PTGFR: variants seen among roughly 807,000 people sequenced by gnomAD.
The protein encoded by PTGFR is prostaglandin F2-alpha receptor.
PTGFR carries 15 observed loss-of-function variants against 26.2 expected under a neutral mutation model. That is an observed-to-expected ratio of 0.57 (90% CI 0.38 to 0.88). The LOEUF (loss-of-function observed/expected upper bound fraction) is 0.88. Among genes scored for constraint, PTGFR ranks in the 40% least tolerant of loss-of-function variants. The probability of loss-of-function intolerance (pLI) is 0.00; values close to 1 mark genes in which losing one functional copy is unlikely to be tolerated. For missense variants in PTGFR, 369 were observed against 427.2 expected, an observed-to-expected ratio of 0.86 and a Z score of 1.20; for synonymous variants, 165 against 151.1, an observed-to-expected ratio of 1.09 and a Z score of -0.68.
chr1:78,524,985 A>G (rs933874049), intron 2 of PTGFR, among the ~76,000 whole-genome samples: 1 of 147,234 alleles, frequency 6.8e-6, no homozygotes, highest in Non-Finnish European at 1.5e-5. Context: ...GGCTTAATCA[A>G]AAGTTCACAT....
chr1:78,494,986 A>G (rs1030389623), intron 2 of PTGFR, among the ~76,000 whole-genome samples: 1 of 152,268 alleles, frequency 6.6e-6, no homozygotes, highest in Non-Finnish European at 1.5e-5. Context: ...GACAGATTCT[A>G]TGATAGAGTT....
chr1:78,533,473 G>C (rs1355934906), intron 2 of PTGFR, among the ~76,000 whole-genome samples: 1 of 152,164 alleles, frequency 6.6e-6, no homozygotes, highest in African/African-American at 2.4e-5. Flanking sequence ...ACAGTCCTCT[G>C]TGTGCATAAT....
chr1:78,529,677 A>G (rs1433355370), intron 2 of PTGFR, among the ~76,000 whole-genome samples: 1 of 152,190 alleles, frequency 6.6e-6, no homozygotes, highest in Non-Finnish European at 1.5e-5. Flanking sequence ...GGTGAATACA[A>G]AAGTTTGGAT....
At chr1:78,527,342 A>G (rs989913595) in intron 2 of PTGFR, among the ~76,000 whole-genome samples, 9 of 152,070 alleles carry the variant, frequency 5.9e-5, no homozygotes, top group African/African-American at 1.9e-4. Context: ...ATTTTAGACA[A>G]TGATTGATGG....
intron 2 of PTGFR, among the ~76,000 whole-genome samples, chr1:78,519,621 A>G (rs1177419919): frequency 2.6e-5 from 4 of 152,162 alleles, no homozygotes; most frequent in Non-Finnish European, 5.9e-5. Context: ...CTAAAATGCG[A>G]TACTAACCTC....
At position 78,539,914 on chromosome 1, in the gene PTGFR, C is replaced by T. The variant is rs1267578951; in HGVS notation, c.*3227C>T. ...CTTCTGTGATATCTTCTCTCTTTTA[C>T]CTGTGTCTCAACTTACCTAGGCAAG... On this transcript the variant is annotated 3_prime_UTR_variant, in exon 3 of 3. Transcript: ENST00000370757. Among the ~76,000 whole-genome samples the T allele has an allele frequency of 6.6e-6, 1 of 152,022 alleles. No individual in the cohort carries two copies. The highest frequency in any genetic ancestry group is 2.4e-5 in the African/African-American group (1 of 41,418).
Position 78,492,820 on chromosome 1 carries a change from A to T in PTGFR, c.77A>T (p.Asn26Ile), listed in dbSNP as rs770346731. ...LLSNTTCQTE[N>I]RLSVFFSVIF... ...TCAAACACAACCTGCCAGACGGAAA[A>T]CCGGCTTTCCGTATTTTTTTCAGTA... Residue 26 changes from asparagine to isoleucine, a missense_variant, in exon 2 of 3, where the codon AAC (asparagine) becomes ATC (isoleucine). By Grantham distance (149) the Asn-to-Ile change is moderately radical. Coordinates refer to ENST00000370757, the MANE Select transcript of PTGFR (RefSeq NM_000959.4). 3.7e-6 allele frequency: 6 copies of T among 1,614,052 alleles called. No homozygotes were observed. In the African/African-American group the frequency reaches 8.0e-5, roughly 22 times the overall value.
rs1352068844 is a variant in PTGFR, at chr1:78,538,868, T to C, written c.*2181T>C. ...ACTCATAACTAATCTTCAGAATTACTGAATTTCCTTTTGAACTGGGTAAGG... is the reference window on the plus strand; with the variant it reads ...ACTCATAACTAATCTTCAGAATTACCGAATTTCCTTTTGAACTGGGTAAGG... On this transcript the variant is annotated 3_prime_UTR_variant, in exon 3 of 3. Transcript: ENST00000370757. 1 of 152,102 alleles carries C rather than the reference T, an allele frequency of 6.6e-6. No individual in the cohort carries two copies. Among genetic ancestry groups the C allele is most frequent in the African/African-American group, 2.4e-5 (1 of 41,444 alleles). The allele number at this position is 152,102 out of a possible 1,614,324, so 9.4% of individuals were successfully genotyped here.
In PTGFR at chr1:78,540,385, C is replaced by T. The variant is rs1355066156; in HGVS notation, c.*3698C>T. On this transcript the variant is annotated 3_prime_UTR_variant, in exon 3 of 3. Coordinates refer to ENST00000370757, the MANE Select transcript of PTGFR (RefSeq NM_000959.4). ...ACATTAGGTAAAAAAAATTTTCATT[C>T]TTGTCTTCCTAATAGCATTTAAACA... Among the ~76,000 whole-genome samples, 1 of 152,044 alleles carries T rather than the reference C, an allele frequency of 6.6e-6. No individual in the cohort carries two copies. The highest frequency in any genetic ancestry group is 2.4e-5 in the African/African-American group (1 of 41,414).
intron 2 of PTGFR, among the ~76,000 whole-genome samples, chr1:78,511,913 T>C (rs1649980967): frequency 6.6e-6 from 1 of 152,154 alleles, no homozygotes; most frequent in Non-Finnish European, 1.5e-5. Flanking sequence ...CTGCCAGATA[T>C]CCCAGGTCAT....
At chr1:78,531,799 T>C (rs1346275525) in intron 2 of PTGFR, among the ~76,000 whole-genome samples, 2 of 152,144 alleles carry the variant, frequency 1.3e-5, no homozygotes, top group South Asian at 2.1e-4. Flanking sequence ...TTCCTAATGA[T>C]GTTCTACAAA....
At chr1:78,495,639 T>C (rs1649529844) in intron 2 of PTGFR, among the ~76,000 whole-genome samples, 2 of 152,240 alleles carry the variant, frequency 1.3e-5, no homozygotes, top group African/African-American at 4.8e-5. Flanking sequence ...ATTTTGTTTT[T>C]TGTTTATTCT....
intron 1 of PTGFR, among the ~76,000 whole-genome samples, chr1:78,491,671 G>T (rs189851881): frequency 1.1e-4 from 17 of 152,314 alleles, no homozygotes; most frequent in African/African-American, 3.1e-4. Flanking sequence ...CCGAAGGGCG[G>T]GGGGGATAGT....
intron 2 of PTGFR, among the ~76,000 whole-genome samples, chr1:78,503,611 G>C (rs1236678864): frequency 6.6e-6 from 1 of 152,136 alleles, no homozygotes; most frequent in Non-Finnish European, 1.5e-5. Flanking sequence ...CAAATTCTAA[G>C]ACTCATGCTT....
chr1:78,518,604 AC>A (rs1650150886), intron 2 of PTGFR, among the ~76,000 whole-genome samples: 1 of 130,386 alleles, frequency 7.7e-6, no homozygotes, highest in Admixed American at 8.2e-5. Context: ...ACACACACAC[AC>A]ACACACACAC....
At chr1:78,498,460 T>G (rs1427683898) in intron 2 of PTGFR, among the ~76,000 whole-genome samples, 1 of 152,160 alleles carries the variant, frequency 6.6e-6, no homozygotes, top group Non-Finnish European at 1.5e-5. Context: ...AAAGTGTAGA[T>G]GTGTACATAC....
rs187343529 is a variant in PTGFR at position 78,502,900 on chromosome 1, A to G, written c.798+9359A>G. ...CAGGAAACTGAAATATAACGATTCT[A>G]TCTTTTGTTACAACAGAATATCAGG... is the stretch of plus-strand genomic sequence containing the variant. On this transcript the variant is annotated intron_variant, in intron 2 of 2. Transcript: ENST00000370757. Among the ~76,000 whole-genome samples, 457 of 152,290 alleles carry G rather than the reference A, an allele frequency of 3.0e-3. 5 individuals are homozygous for G. Among genetic ancestry groups the G allele is most frequent in the African/African-American group, 0.011 (444 of 41,592 alleles).
At chr1:78,523,880 A>G (rs939790819) in intron 2 of PTGFR, among the ~76,000 whole-genome samples, 12 of 152,086 alleles carry the variant, frequency 7.9e-5, no homozygotes, top group African/African-American at 2.9e-4. Flanking sequence ...CTTAGTTTAA[A>G]TGTTGAATGA....
At chr1:78,531,095 C>A (rs576962614) in intron 2 of PTGFR, among the ~76,000 whole-genome samples, 2 of 152,166 alleles carry the variant, frequency 1.3e-5, no homozygotes, top group South Asian at 4.1e-4. Flanking sequence ...GGTCTTCTTG[C>A]ACCATCCCTG....
Sources: allele counts gnomAD v4.1 joint callset (sites outside exome capture counted in the v4.1 genomes callset), GRCh38; gene constraint gnomAD v4.1.1; transcripts MANE v1.5; gene names NCBI Gene and HGNC (gene_info 2026-07-23, HGNC 2026-07-21).